UGT2A3: variants seen among roughly 807,000 people sequenced by gnomAD.
The protein encoded by UGT2A3 is UDP-glucuronosyltransferase 2A3.
In UGT2A3, 55 loss-of-function variants were observed where a neutral mutation model predicts 44.1. The observed-to-expected ratio is 1.25, with a 90% CI of 1.00 to 1.56. UGT2A3 has a LOEUF of 1.56. Ranked by LOEUF, UGT2A3 falls within the 40% of genes most tolerant of loss-of-function variation. The pLI, the probability that UGT2A3 is intolerant of heterozygous loss-of-function variation, is 0.00. For missense variants in UGT2A3, 733 were observed against 621.6 expected (o/e 1.18, Z -1.91); for synonymous variants, 243 against 215.1 (o/e 1.13, Z -1.13).
intron 1 of UGT2A3, among the ~76,000 whole-genome samples, chr4:68,946,675 A>G: frequency 6.6e-6 from 1 of 151,700 alleles, no homozygotes; most frequent in East Asian, 1.9e-4. Context: ...AAAGATGATC[A>G]AAGGAAAGAA....
chr4:68,942,283 C>T (rs1412407979), intron 2 of UGT2A3, among the ~76,000 whole-genome samples: 1 of 149,938 alleles, frequency 6.7e-6, no homozygotes, highest in Admixed American at 6.7e-5. Context: ...ATATATATGT[C>T]CATTCCATTG....
chr4:68,943,444 T>C (rs1425904166), intron 2 of UGT2A3: 3 of 643,280 alleles, frequency 4.7e-6, no homozygotes, highest in Non-Finnish European at 6.5e-6. Flanking sequence ...CATCTTACTA[T>C]AAAACCAATA....
intron 2 of UGT2A3, among the ~76,000 whole-genome samples, chr4:68,937,553 T>C (rs985898359): frequency 1.3e-5 from 2 of 152,108 alleles, no homozygotes; most frequent in Non-Finnish European, 2.9e-5. Context: ...CTGGGACACA[T>C]TTAAATCAGT....
At chr4:68,936,427 A>G (rs184232511) in intron 2 of UGT2A3, among the ~76,000 whole-genome samples, 1 of 152,110 alleles carries the variant, frequency 6.6e-6, no homozygotes, top group Non-Finnish European at 1.5e-5. Context: ...AAAGGAAAGA[A>G]TTTTCAACCC....
rs918080680 is a variant in UGT2A3 at position 68,951,319 on chromosome 4, T to C, written c.442A>G (p.Ile148Val). Residue 148 changes from isoleucine to valine, a missense_variant, in exon 1 of 6, where the codon ATA becomes GTA. By Grantham distance (29) the Ile-to-Val change is conservative. Coordinates refer to ENST00000251566, the MANE Select transcript of UGT2A3 (RefSeq NM_024743.4). ...LQETNYDVML[I>V]DPVIPCGDLM... ...TCTCCACAGGGAATCACAGGGTCTA[T>C]AAGCATTACATCGTAGTTGGTTTCC... 5 of 1,612,592 alleles carry C rather than the reference T, an allele frequency of 3.1e-6. No homozygotes were observed. Among genetic ancestry groups the C allele is most frequent in the African/African-American group, 2.7e-5 (2 of 74,840 alleles).
At chr4:68,945,821 A>G (rs1051858425) in intron 1 of UGT2A3, among the ~76,000 whole-genome samples, 2 of 151,630 alleles carry the variant, frequency 1.3e-5, no homozygotes, top group South Asian at 4.1e-4. Context: ...TCCAAAATGC[A>G]AATGAATTTA....
At chr4:68,943,592 T>C (rs1718274319) in intron 2 of UGT2A3, among the ~76,000 whole-genome samples, 1 of 151,772 alleles carries the variant, frequency 6.6e-6, no homozygotes, top group South Asian at 2.1e-4. Flanking sequence ...GCTATTGTGG[T>C]AAATTCTTAT....
chr4:68,944,540 T>G (rs1223766657), intron 2 of UGT2A3, among the ~76,000 whole-genome samples: 3 of 151,860 alleles, frequency 2.0e-5, no homozygotes, highest in African/African-American at 7.2e-5. Context: ...TTTCCTCTGA[T>G]GATTTAGGAA....
intron 1 of UGT2A3, among the ~76,000 whole-genome samples, chr4:68,945,884 A>G (rs1179136747): frequency 6.6e-6 from 1 of 151,678 alleles, no homozygotes; most frequent in Non-Finnish European, 1.5e-5. Flanking sequence ...GAGTACCACA[A>G]TATCTTCACT....
chr4:68,936,899 A>AAC (rs1221690076), intron 2 of UGT2A3, among the ~76,000 whole-genome samples: 3 of 148,382 alleles, frequency 2.0e-5, no homozygotes, highest in African/African-American at 7.3e-5. Flanking sequence ...AAAAAAAAAA[A>AAC]AAAAAAAAAA....
At chr4:68,933,048 A>G (rs577087849) in intron 2 of UGT2A3, among the ~76,000 whole-genome samples, 70 of 152,192 alleles carry the variant, frequency 4.6e-4, no homozygotes, top group African/African-American at 1.6e-3. Flanking sequence ...TCACGTAGAC[A>G]CAAAATCCTA....
At chr4:68,944,711 C>T (rs1718317719) in intron 2 of UGT2A3, among the ~76,000 whole-genome samples, 2 of 151,826 alleles carry the variant, frequency 1.3e-5, no homozygotes, top group South Asian at 4.1e-4. Context: ...CCTCACCTAA[C>T]ATTCTCACGA....
rs1718584562 is a variant in UGT2A3, at chr4:68,951,374, G to T, written c.387C>A (p.Ile129=). 2.5e-6 allele frequency: 4 copies of T among 1,612,548 alleles called. No individual in the cohort carries two copies. The East Asian group carries it at 8.9e-5, about 36-fold the overall frequency. Reference sequence around the variant, plus strand: ...GCTTCTTCATAAGCGTCTGATTGTAGATAAAGCTCTCACACATCATTTTTA... The same window carrying T: ...GCTTCTTCATAAGCGTCTGATTGTATATAAAGCTCTCACACATCATTTTTA... ...GTLKMMCESF[I]YNQTLMKKLQ... The change falls in exon 1 of 6, where the codon ATC becomes ATA. Residue 129 remains isoleucine (I), a synonymous_variant. Coordinates refer to ENST00000251566, the MANE Select transcript of UGT2A3 (RefSeq NM_024743.4).
At chr4:68,942,740 T>C (rs1418057136) in intron 2 of UGT2A3, among the ~76,000 whole-genome samples, 1 of 151,452 alleles carries the variant, frequency 6.6e-6, no homozygotes, top group Non-Finnish European at 1.5e-5. Context: ...AGAATTGTGG[T>C]TACTAGAGGC....
intron 2 of UGT2A3, among the ~76,000 whole-genome samples, chr4:68,944,685 A>G (rs1183716717): frequency 6.6e-6 from 1 of 151,748 alleles, no homozygotes; most frequent in Non-Finnish European, 1.5e-5. Context: ...GTTTTTCTCA[A>G]ATGGCTTTTA....
Position 68,929,871 on chromosome 4 carries a change from C to T in UGT2A3, c.1526G>A (p.Cys509Tyr). The change falls in exon 6 of 6, where the codon TGT becomes TAT. Residue 509 changes from cysteine (C) to tyrosine (Y), a missense_variant. Transcript: ENST00000251566. The part of the protein sequence containing the change: ...VATAIFLFTK[C>Y]FLFSCQKFNK... The stretch of plus-strand genomic sequence containing the variant: ...AAATTTTTGACAGGAAAATAAAAAA[C>T]ATTTTGTGAACAAGAATATAGCAGT... The T allele has an allele frequency of 6.2e-7, 1 of 1,609,428 alleles. No homozygotes were observed. The highest frequency in any genetic ancestry group is 8.5e-7 in the Non-Finnish European group (1 of 1,177,932).
intron 2 of UGT2A3, among the ~76,000 whole-genome samples, chr4:68,941,072 C>G (rs1718170377): frequency 6.6e-6 from 1 of 151,520 alleles, no homozygotes; most frequent in Non-Finnish European, 1.5e-5. Context: ...CTATTAGTTC[C>G]CAGAAGAGCT....
chr4:68,951,185 T>C lies in UGT2A3; in HGVS notation c.576A>G (p.Val192=), dbSNP rs747530001. The C allele has an allele frequency of 6.2e-7, 1 of 1,612,126 alleles. No individual in the cohort carries two copies. Among genetic ancestry groups the C allele is most frequent in the Non-Finnish European group, 8.5e-7 (1 of 1,179,024 alleles). The change falls in exon 1 of 6, where the codon GTA becomes GTG. Residue 192 remains valine, a synonymous_variant. Coordinates refer to ENST00000251566, the MANE Select transcript of UGT2A3 (RefSeq NM_024743.4). Reference sequence around the variant, plus strand: ...CTGTTAGTCCTGTCATAGGCACAGGTACATAGGAAAGTGGAGCTGGAAGTT... The same window carrying C: ...CTGTTAGTCCTGTCATAGGCACAGGCACATAGGAAAGTGGAGCTGGAAGTT... ...CGKLPAPLSY[V]PVPMTGLTDR... is the part of the protein sequence containing the mutation.
intron 2 of UGT2A3, among the ~76,000 whole-genome samples, chr4:68,936,875 A>C (rs1210281587): frequency 7.4e-6 from 1 of 134,688 alleles, no homozygotes; most frequent in Admixed American, 7.7e-5. Flanking sequence ...AGATCTACAA[A>C]GTAAATGGAA....
Sources: gnomAD v4.1 joint callset for allele counts (sites outside exome capture counted in the v4.1 genomes callset) on GRCh38, gnomAD v4.1.1 for gene constraint, MANE v1.5 for transcripts, NCBI Gene and HGNC (gene_info 2026-07-23, HGNC 2026-07-21) for gene names.